The following PPARGC1A variants were observed in gnomAD, a reference collection of about 807,000 sequenced individuals.
The protein encoded by PPARGC1A is PPARG coactivator 1 alpha.
A neutral mutation model predicts 88.7 loss-of-function variants in PPARGC1A; 25 were observed. The ratio of observed to expected loss-of-function variants is 0.28; its 90% CI spans 0.21 to 0.39. PPARGC1A has a LOEUF of 0.39. Ranked by LOEUF, PPARGC1A falls within the 10% of genes least tolerant of loss-of-function variation. The probability of loss-of-function intolerance (pLI) is 1.00; values close to 1 mark genes in which losing one functional copy is unlikely to be tolerated. For synonymous variants in PPARGC1A, 363 were observed against 355.6 expected (o/e 1.02, Z -0.24); for missense variants, 880 against 968.7 (o/e 0.91, Z 1.22).
At chr4:23,983,150 C>T in the PPARGC1A span, among the ~76,000 whole-genome samples, 6 of 151,982 alleles carry the variant, frequency 3.9e-5, no homozygotes, top group Non-Finnish European at 5.9e-5. Flanking sequence ...CACATATGTT[C>T]TTTTTTCTCA....
chr4:24,330,280 C>T, the PPARGC1A span, among the ~76,000 whole-genome samples: 1 of 152,186 alleles, frequency 6.6e-6, no homozygotes, highest in Non-Finnish European at 1.5e-5. Context: ...ATGCCTTTTC[C>T]AGTTTCTGTG....
chr4:24,466,473 G>A, the PPARGC1A span, among the ~76,000 whole-genome samples: 1 of 152,130 alleles, frequency 6.6e-6, no homozygotes, highest in Admixed American at 6.5e-5. Context: ...GAGACCTTAG[G>A]CAAGTCACTT....
chr4:24,312,633 C>CAAA, the PPARGC1A span, among the ~76,000 whole-genome samples: 15 of 126,016 alleles, frequency 1.2e-4, no homozygotes, highest in African/African-American at 3.2e-4. Context: ...TTTCATCAAC[C>CAAA]AAAAAAAAAA....
the PPARGC1A span, among the ~76,000 whole-genome samples, chr4:24,458,253 A>G: frequency 1.3e-5 from 2 of 152,224 alleles, no homozygotes; most frequent in Admixed American, 6.5e-5. Flanking sequence ...TAATCCCAGC[A>G]CTTTTGGAGG....
At chr4:24,349,129 T>A in the PPARGC1A span, among the ~76,000 whole-genome samples, 10 of 152,340 alleles carry the variant, frequency 6.6e-5, no homozygotes, top group East Asian at 1.9e-3. Context: ...GGGGGTTGTC[T>A]GCAGAGTCCT....
chr4:24,233,023 T>C, the PPARGC1A span, among the ~76,000 whole-genome samples: 1 of 151,974 alleles, frequency 6.6e-6, no homozygotes, highest in Non-Finnish European at 1.5e-5. Flanking sequence ...CACACAAGGA[T>C]CCCAAGGCTG....
chr4:24,042,655 GTGA>G, the PPARGC1A span, among the ~76,000 whole-genome samples: 6 of 152,106 alleles, frequency 3.9e-5, no homozygotes, highest in African/African-American at 1.2e-4. Context: ...AAAACCTTAG[GTGA>G]TGTCTGCTTT....
the PPARGC1A span, among the ~76,000 whole-genome samples, chr4:24,369,791 A>G: frequency 6.6e-6 from 1 of 152,236 alleles, no homozygotes; most frequent in Non-Finnish European, 1.5e-5. Context: ...CTAAGTCACA[A>G]TGAAGAAAGG....
the PPARGC1A span, among the ~76,000 whole-genome samples, chr4:24,041,840 A>G: frequency 0.11 from 16,951 of 152,026 alleles, 1,125 homozygotes; most frequent in South Asian, 0.2. Context: ...TATGGGTAAC[A>G]AGTTGTTCTT....
the PPARGC1A span, among the ~76,000 whole-genome samples, chr4:24,216,732 C>T: frequency 6.6e-6 from 1 of 151,952 alleles, no homozygotes; most frequent in Non-Finnish European, 1.5e-5. Flanking sequence ...AACCTTAATA[C>T]CAAAAAACAG....
the PPARGC1A span, among the ~76,000 whole-genome samples, chr4:24,236,492 C>T: frequency 6.6e-6 from 1 of 152,170 alleles, no homozygotes; most frequent in South Asian, 2.1e-4. Flanking sequence ...TAGAGGTCTT[C>T]GCCAGTACCA....
At chr4:23,930,830 C>T in the PPARGC1A span, among the ~76,000 whole-genome samples, 1 of 152,324 alleles carries the variant, frequency 6.6e-6, no homozygotes, top group Non-Finnish European at 1.5e-5. Context: ...TATAATCTGT[C>T]CCATGCTGTC....
At chr4:24,311,452 G>A in the PPARGC1A span, among the ~76,000 whole-genome samples, 1 of 123,188 alleles carries the variant, frequency 8.1e-6, no homozygotes, top group Non-Finnish European at 1.7e-5. Flanking sequence ...TGGCTAACAC[G>A]GTGAAACCCC....
intron 2 of PPARGC1A, among the ~76,000 whole-genome samples, chr4:23,834,961 T>C (rs1293870107): frequency 1.3e-5 from 2 of 152,186 alleles, no homozygotes; most frequent in African/African-American, 2.4e-5. Flanking sequence ...AGAAAATACA[T>C]CAAATACACA....
chr4:24,126,120 A>G, the PPARGC1A span, among the ~76,000 whole-genome samples: 1 of 152,206 alleles, frequency 6.6e-6, no homozygotes, highest in Non-Finnish European at 1.5e-5. Context: ...CATTGTAAGT[A>G]GCAGAATCAG....
chr4:24,034,708 A>G, the PPARGC1A span, among the ~76,000 whole-genome samples: 17 of 152,332 alleles, frequency 1.1e-4, no homozygotes, highest in South Asian at 3.1e-3. Flanking sequence ...TTTACATGCT[A>G]GATGATGACA....
chr4:23,932,605 T>C, the PPARGC1A span, among the ~76,000 whole-genome samples: 13 of 152,094 alleles, frequency 8.5e-5, no homozygotes, highest in East Asian at 3.9e-4. Context: ...TAGTGTTTTT[T>C]TAAAAAAATA....
chr4:23,801,210 C>T (rs1217931883), intron 12 of PPARGC1A, among the ~76,000 whole-genome samples: 1 of 151,308 alleles, frequency 6.6e-6, no homozygotes, highest in Admixed American at 6.6e-5. Flanking sequence ...CACACACACA[C>T]ACATGAATCA....
the PPARGC1A span, among the ~76,000 whole-genome samples, chr4:23,951,444 T>C: frequency 6.6e-6 from 1 of 152,168 alleles, no homozygotes; most frequent in African/African-American, 2.4e-5. Context: ...ATAGGAGATA[T>C]AATGCCATGC....
Sources: allele counts gnomAD v4.1 joint callset (sites outside exome capture counted in the v4.1 genomes callset), GRCh38; gene constraint gnomAD v4.1.1; transcripts MANE v1.5; gene names NCBI Gene and HGNC (gene_info 2026-07-23, HGNC 2026-07-21).